SMPD4: variants seen among roughly 807,000 people sequenced by gnomAD.
SMPD4 encodes neutral sphingomyelinase 3.
Under a neutral mutation model 97.8 loss-of-function variants are expected in SMPD4, and 58 were observed. That is an observed-to-expected ratio of 0.59 (90% confidence interval 0.48 to 0.74). The LOEUF is 0.74. SMPD4 is among the 30% of genes least tolerant of loss of function. The probability of loss-of-function intolerance (pLI) is 0.00; values close to 1 mark genes in which losing one functional copy is unlikely to be tolerated. For missense variants in SMPD4, 853 were observed against 1,080.5 expected (o/e 0.79, Z 2.95); for synonymous variants, 388 against 450.0 (o/e 0.86, Z 1.74).
At chr2:130,154,698 C>G (rs1573662523) in intron 15 of SMPD4, 2 of 612,050 alleles carry the variant, frequency 3.3e-6, no homozygotes, top group South Asian at 3.8e-5. Flanking sequence ...CTAGCAGTGT[C>G]TGCAGGAGGT....
At position 130,156,081 on chromosome 2, in the gene SMPD4, G is replaced by C. The variant is rs1264550463; in HGVS notation, c.1243C>G (p.Gln415Glu). 1.9e-6 allele frequency: 3 copies of C among 1,611,402 alleles called. No individual in the cohort carries two copies. Among genetic ancestry groups the C allele is most frequent in the Non-Finnish European group, 2.5e-6 (3 of 1,179,916 alleles). The stretch of plus-strand genomic sequence containing the variant: ...GGCTGGGAGTCGCTGCCCGGAGCCT[G>C]CTTGTCAGGCGCGTACCGCCACGGC... ...LQPWRYAPDK[Q>E]APGSDSQPRC... Residue 415 changes from glutamine to glutamate, a missense_variant, in exon 14 of 20, where the codon CAG becomes GAG. Physicochemically the swap from Gln to Glu is conservative, Grantham distance 29 (BLOSUM62 2). Around this residue, in one of 3 missense-constraint regions of SMPD4, gnomAD observed 511 missense variants for 608.1 expected, o/e 0.84. Coordinates refer to ENST00000680298, the MANE Select transcript of SMPD4 (RefSeq NM_017951.5).
At chr2:130,173,460 G>T in intron 4 of SMPD4, 54 bp downstream of exon 4, 1 of 1,588,076 alleles carries the variant, frequency 6.3e-7, no homozygotes, top group Non-Finnish European at 8.6e-7. Context: ...TGCTTTAAAG[G>T]TGGAATCACC....
chr2:130,151,935 G>C lies in SMPD4; in HGVS notation c.*620C>G, dbSNP rs1289236370. ...CTTGGGGTCTGCGGTGAAGCCCCTG[G>C]GCTCTGGGAGGGTCTTAGGCTCCTG... On this transcript the variant is annotated 3_prime_UTR_variant, in exon 20 of 20. Transcript: ENST00000680298. 6.5e-6 allele frequency: 1 copy of C among 152,896 alleles called. No homozygotes were observed. Among genetic ancestry groups the C allele is most frequent in the Non-Finnish European group, 1.5e-5 (1 of 68,292 alleles). 9.5% of individuals were successfully genotyped at this position (152,896 alleles called of 1,614,324 possible). A position where few individuals can be genotyped will look rare whatever the true frequency, so the allele number is the denominator to read the frequency against.
intron 11 of SMPD4, 77 bp downstream of exon 11, chr2:130,161,109 C>G: frequency 2.8e-6 from 4 of 1,413,780 alleles, no homozygotes; most frequent in East Asian, 2.3e-5. Flanking sequence ...CACCAGCGGC[C>G]GGCCCCGGCG....
Position 130,173,600 on chromosome 2 carries a change from A to T in SMPD4, c.183T>A (p.Gly61=), listed in dbSNP as rs767909414. ...LVESIFGSLD[G]VLVGWNLRCL... ...AGCGGAGGTTCCAGCCAACGAGGAC[A>T]CCATCTAGGCTGCCAAAAATGCTTT... Residue 61 remains glycine, a synonymous_variant, in exon 4 of 20, where the codon GGT becomes GGA. Coordinates refer to ENST00000680298, the MANE Select transcript of SMPD4 (RefSeq NM_017951.5). The T allele has an allele frequency of 4.3e-6, 7 of 1,613,860 alleles. No individual in the cohort carries two copies. The South Asian group carries it at 7.7e-5, about 18-fold the overall frequency.
At chr2:130,179,861 G>T (rs1050673892) in intron 1 of SMPD4, among the ~76,000 whole-genome samples, 2 of 151,844 alleles carry the variant, frequency 1.3e-5, no homozygotes, top group African/African-American at 4.8e-5. Context: ...CACTATGTTG[G>T]CCAGACTGGT....
intron 8 of SMPD4, among the ~76,000 whole-genome samples, chr2:130,167,854 C>T (rs1688079920): frequency 6.6e-6 from 1 of 152,144 alleles, no homozygotes; most frequent in African/African-American, 2.4e-5. Context: ...TAGAGAACCA[C>T]CATTTAGTAA....
Position 130,172,609 on chromosome 2 carries a change from G to C in SMPD4, c.507+16C>G. Reference sequence around the variant, plus strand: ...CGTGGCCCCACCTCTCCCAGCAAAAGGCATCCCTTCCTTACCTTCTGAGTG... The same window carrying C: ...CGTGGCCCCACCTCTCCCAGCAAAACGCATCCCTTCCTTACCTTCTGAGTG... On this transcript the variant is annotated intron_variant, in intron 7 of 19. Coordinates refer to ENST00000680298, the MANE Select transcript of SMPD4 (RefSeq NM_017951.5). 1 of 1,614,154 alleles carries C rather than the reference G, an allele frequency of 6.2e-7. No individual in the cohort carries two copies. Among genetic ancestry groups the C allele is most frequent in the Non-Finnish European group, 8.5e-7 (1 of 1,179,970 alleles).
chr2:130,157,169 G>A, intron 12 of SMPD4, 82 bp downstream of exon 12: 1 of 1,523,988 alleles, frequency 6.6e-7, no homozygotes, highest in Non-Finnish European at 8.8e-7. Context: ...TCCATGCCCT[G>A]GGGAGAGGTC....
Position 130,156,682 on chromosome 2 carries a change from G to A in SMPD4, c.1098-7C>T. 1.2e-6 allele frequency: 2 copies of A among 1,611,596 alleles called. No individual in the cohort carries two copies. The highest frequency in any genetic ancestry group is 1.7e-6 in the Non-Finnish European group (2 of 1,178,892). Reference sequence around the variant, plus strand: ...GAACCTCGGGACAGCAGCCCTGCAGGGGATGGGGAGGGTCACCTGCTGCTT... The same window carrying A: ...GAACCTCGGGACAGCAGCCCTGCAGAGGATGGGGAGGGTCACCTGCTGCTT... On this transcript the variant is annotated splice_polypyrimidine_tract_variant and splice_region_variant and intron_variant, in intron 12 of 19. Coordinates refer to ENST00000680298, the MANE Select transcript of SMPD4 (RefSeq NM_017951.5).
At position 130,173,256 on chromosome 2, in the gene SMPD4, T is replaced by C. The variant is rs753869200; in HGVS notation, c.345+23A>G. 3 of 1,610,092 alleles carry C rather than the reference T, an allele frequency of 1.9e-6. No individual in the cohort carries two copies. The South Asian group carries it at 3.3e-5, about 18-fold the overall frequency. ...CAAGGCCCACTGCCCCGAGCACCACTCTCGCCACTGTGGTTTACTTACAGG... is the reference window on the plus strand; with the variant it reads ...CAAGGCCCACTGCCCCGAGCACCACCCTCGCCACTGTGGTTTACTTACAGG... On this transcript the variant is annotated intron_variant, in intron 5 of 19. Coordinates refer to ENST00000680298, the MANE Select transcript of SMPD4 (RefSeq NM_017951.5).
rs755523588 is a variant in SMPD4, at chr2:130,167,494, G to A, written c.756C>T (p.Ala252=). The stretch of plus-strand genomic sequence containing the variant: ...TTTCTGACCTCCAGATCTCGTGGGA[G>A]GCGGGGTCTGCATTCACAGACGTCT... ...SHQTSVNADP[A]SHEIWRSETL... is the part of the protein sequence containing the mutation. The change falls in exon 9 of 20, where the codon GCC becomes GCT. Residue 252 remains alanine, a synonymous_variant. Transcript: ENST00000680298. 6.2e-7 allele frequency: 1 copy of A among 1,613,810 alleles called. No individual in the cohort carries two copies. The highest frequency in any genetic ancestry group is 1.7e-5 in the Admixed American group (1 of 60,004).
In SMPD4 at chr2:130,152,752, G is replaced by A; in HGVS notation, c.2287C>T (p.His763Tyr). 2 of 1,598,182 alleles carry A rather than the reference G, an allele frequency of 1.3e-6. No homozygotes were observed. Among genetic ancestry groups the A allele is most frequent in the Non-Finnish European group, 1.7e-6 (2 of 1,173,742 alleles). ...AGGCTGAGCCTGGGGCCGCGGGTGT[G>A]GCCGGCCACCTGCCTCCGCCCCACA... Reference protein sequence around the residue: ...SPVGRRQVAGHTRGPRLSLRF... With the variant: ...SPVGRRQVAGYTRGPRLSLRF... Residue 763 changes from histidine to tyrosine, a missense_variant, in exon 20 of 20, where the codon CAC becomes TAC. By Grantham distance (83) the His-to-Tyr change is moderately conservative. Coordinates refer to ENST00000680298, the MANE Select transcript of SMPD4 (RefSeq NM_017951.5).
intron 8 of SMPD4, among the ~76,000 whole-genome samples, chr2:130,170,457 T>TAAAAAAAAAAAAAAA (rs1688339448): frequency 4.5e-5 from 2 of 44,202 alleles, no homozygotes; most frequent in Non-Finnish European, 7.9e-5. Flanking sequence ...TAAGACCCTG[T>TAAAAAAAAAAAAAAA]CAAAAAAAAA....
intron 13 of SMPD4, 28 bp from the exon 14 acceptor site, chr2:130,156,163 C>T (rs577760153): frequency 6.3e-7 from 1 of 1,582,774 alleles, no homozygotes; most frequent in Non-Finnish European, 8.6e-7. Flanking sequence ...GCTAAGGGCT[C>T]CGTGGCTGGG....
At chr2:130,181,157 A>T (rs556445472) in intron 1 of SMPD4, 1 of 659,934 alleles carries the variant, frequency 1.5e-6, no homozygotes, top group African/African-American at 1.9e-5. Context: ...GATGTGGAGC[A>T]CACAGGGGAA....
rs749620275 is a variant in SMPD4 at position 130,153,975 on chromosome 2, C to T, written c.1660-40G>A. On this transcript the variant is annotated intron_variant, in intron 16 of 19. Coordinates refer to ENST00000680298, the MANE Select transcript of SMPD4 (RefSeq NM_017951.5). ...CGGGCAGGTCACCAGCAGGACAGGC[C>T]TGTGCTGCCACCCAGGCAGCCCCAA... 4.5e-5 allele frequency: 71 copies of T among 1,583,932 alleles called. No individual in the cohort carries two copies. In the South Asian group the frequency reaches 7.7e-4, roughly 17 times the overall value.
At position 130,152,536 on chromosome 2, in the gene SMPD4, C is replaced by A; in HGVS notation, c.*19G>T. On this transcript the variant is annotated 3_prime_UTR_variant, in exon 20 of 20. Transcript: ENST00000680298. ...GTGTGGCAAATCCCTCCAGCCTGCT[C>A]TGAAGGCAGCTGACACCTTCAGGGC... The A allele has an allele frequency of 1.3e-6, 2 of 1,538,608 alleles. No homozygotes were observed. Among genetic ancestry groups the A allele is most frequent in the Non-Finnish European group, 1.8e-6 (2 of 1,138,854 alleles).
In SMPD4 at chr2:130,173,534, C is replaced by T; in HGVS notation, c.249G>A (p.Val83=). ...CCTACCCAGGGTCGAGAAATTCCAT[C>T]ACGATGCTGTACTCCACAGGATTCA... The part of the protein sequence containing the change: ...GRVNPVEYSI[V]MEFLDPGGPM... Residue 83 remains valine, a synonymous_variant, in exon 4 of 20, where the codon GTG becomes GTA. Coordinates refer to ENST00000680298, the MANE Select transcript of SMPD4 (RefSeq NM_017951.5). The T allele has an allele frequency of 3.1e-6, 5 of 1,605,624 alleles. No individual in the cohort carries two copies. Among genetic ancestry groups the T allele is most frequent in the Non-Finnish European group, 4.3e-6 (5 of 1,173,992 alleles).
Sources: allele counts gnomAD v4.1 joint callset (sites outside exome capture counted in the v4.1 genomes callset), GRCh38; gene constraint gnomAD v4.1.1; regional missense constraint gnomAD v4.1.1; transcripts MANE v1.5; gene names NCBI Gene and HGNC (gene_info 2026-07-23, HGNC 2026-07-21).